LAMA2: variants seen among roughly 807,000 people sequenced by gnomAD.
LAMA2 encodes laminin subunit alpha 2.
A neutral mutation model predicts 364.8 loss-of-function variants in LAMA2; 269 were observed. The ratio of observed to expected loss-of-function variants is 0.74; its 90% confidence interval spans 0.67 to 0.82. The LOEUF (loss-of-function observed/expected upper bound fraction) is 0.82. LAMA2 is among the 40% of genes least tolerant of loss of function. The probability of loss-of-function intolerance (pLI) is 0.00; values close to 1 mark genes in which losing one functional copy is unlikely to be tolerated. For missense variants in LAMA2, 3,807 were observed against 3,873.2 expected, an observed-to-expected ratio of 0.98 and a Z score of 0.45; for synonymous variants, 1,379 against 1,370.6, an observed-to-expected ratio of 1.01 and a Z score of -0.14.
chr6:129,068,356 C>T (rs1773075021), intron 3 of LAMA2, among the ~76,000 whole-genome samples: 1 of 152,280 alleles, frequency 6.6e-6, no homozygotes, highest in Middle Eastern at 3.4e-3. Context: ...TTATAAACTG[C>T]AGCAATTTAT....
chr6:129,386,412 T>G (rs1402241057), intron 35 of LAMA2, among the ~76,000 whole-genome samples: 1 of 151,984 alleles, frequency 6.6e-6, no homozygotes, highest in Non-Finnish European at 1.5e-5. Context: ...CAGACTTCTA[T>G]TAAAATGATG....
intron 17 of LAMA2, among the ~76,000 whole-genome samples, chr6:129,277,102 C>T (rs1788385377): frequency 6.6e-6 from 1 of 152,078 alleles, no homozygotes; most frequent in Non-Finnish European, 1.5e-5. Context: ...GTGGAAAATG[C>T]CCGCTGCTCT....
chr6:128,960,457 G>GCCCC (rs1276498386), intron 1 of LAMA2, among the ~76,000 whole-genome samples: 5 of 145,204 alleles, frequency 3.4e-5, no homozygotes, highest in African/African-American at 1.4e-4. Flanking sequence ...TCCGGCCTTG[G>GCCCC]CCCCACCCCG....
intron 4 of LAMA2, among the ~76,000 whole-genome samples, chr6:129,136,555 T>C (rs1777803946): frequency 6.6e-6 from 1 of 151,618 alleles, no homozygotes; most frequent in Non-Finnish European, 1.5e-5. Context: ...ATGTTCTTCT[T>C]TGACCAGCAG....
intron 64 of LAMA2, 45 bp from the exon 65 acceptor site, chr6:129,516,145 T>A: frequency 6.2e-7 from 1 of 1,603,740 alleles, no homozygotes; most frequent in Non-Finnish European, 8.5e-7. Flanking sequence ...TAATATTTGG[T>A]GCAGGACATT....
intron 4 of LAMA2, among the ~76,000 whole-genome samples, chr6:129,137,791 T>C (rs1424393042): frequency 6.6e-6 from 1 of 152,086 alleles, no homozygotes; most frequent in Non-Finnish European, 1.5e-5. Flanking sequence ...ACTGATAATA[T>C]AGTATGTACT....
At chr6:129,469,921 C>A (rs942876620) in intron 51 of LAMA2, among the ~76,000 whole-genome samples, 1 of 151,718 alleles carries the variant, frequency 6.6e-6, no homozygotes, top group African/African-American at 2.4e-5. Flanking sequence ...AGAAAGCAGA[C>A]GGATGCTACT....
At chr6:129,111,869 T>A (rs1304997410) in intron 4 of LAMA2, among the ~76,000 whole-genome samples, 1 of 152,018 alleles carries the variant, frequency 6.6e-6, no homozygotes, top group African/African-American at 2.4e-5. Context: ...AATCAGGCAT[T>A]ATATCAGTTG....
intron 4 of LAMA2, among the ~76,000 whole-genome samples, chr6:129,141,427 A>G (rs1004860031): frequency 3.3e-5 from 5 of 152,080 alleles, no homozygotes; most frequent in Non-Finnish European, 7.4e-5. Flanking sequence ...TTTCAGATTC[A>G]TATTTTAGAA....
At chr6:129,286,230 C>T (rs1480485659) in intron 18 of LAMA2, among the ~76,000 whole-genome samples, 1 of 151,996 alleles carries the variant, frequency 6.6e-6, no homozygotes, top group Non-Finnish European at 1.5e-5. Context: ...AATTTTGACA[C>T]TTGCTGCAAA....
At chr6:129,010,984 C>T (rs4288223) in intron 1 of LAMA2, among the ~76,000 whole-genome samples, 1 of 151,948 alleles carries the variant, frequency 6.6e-6, no homozygotes, top group African/African-American at 2.4e-5. Context: ...CAGATTTATT[C>T]TTTTTTTTCT....
At chr6:129,274,204 G>A (rs1788140498) in intron 17 of LAMA2, among the ~76,000 whole-genome samples, 3 of 151,602 alleles carry the variant, frequency 2.0e-5, no homozygotes, top group Non-Finnish European at 4.4e-5. Context: ...TTGCACAACT[G>A]TGATGAGAAA....
intron 60 of LAMA2, among the ~76,000 whole-genome samples, chr6:129,504,439 A>G (rs58086758): frequency 2.5e-3 from 379 of 152,362 alleles, no homozygotes; most frequent in African/African-American, 8.7e-3. Context: ...CCAAACCAGA[A>G]TAGATATGTG....
intron 15 of LAMA2, 51 bp downstream of exon 15, chr6:129,260,873 GC>G (rs762994158): frequency 9.6e-7 from 1 of 1,045,352 alleles, no homozygotes; most frequent in South Asian, 1.3e-5. Flanking sequence ...CCTCAACATT[GC>G]TTTCAATAAC....
rs1315945522 is a variant in LAMA2, at chr6:129,366,288, T to C, written c.4787T>C (p.Ile1596Thr). The part of the protein sequence containing the change: ...LARLEQMVMS[I>T]NLTGPLPAPY... ...CGCCTGGAGCAGATGGTCATGAGCATCAACCTCACTGGTCCGCTGCCTGCG... is the reference window on the plus strand; with the variant it reads ...CGCCTGGAGCAGATGGTCATGAGCACCAACCTCACTGGTCCGCTGCCTGCG... The change falls in exon 33 of 65, where the codon ATC (isoleucine) becomes ACC (threonine). Residue 1596 changes from isoleucine (I) to threonine (T), a missense_variant. This residue lies in a region of LAMA2 where 3,333 missense variants were observed against 3,345.7 expected (regional missense o/e 1.00). Transcript: ENST00000421865. The C allele has an allele frequency of 6.2e-7, 1 of 1,613,918 alleles. No homozygotes were observed. The highest frequency in any genetic ancestry group is 1.3e-5 in the African/African-American group (1 of 74,884).
intron 22 of LAMA2, among the ~76,000 whole-genome samples, chr6:129,302,313 CT>C (rs1291769239): frequency 2.6e-5 from 4 of 151,930 alleles, no homozygotes; most frequent in African/African-American, 2.4e-5. Flanking sequence ...ATTTATACAT[CT>C]TTTTTGAAGT....
chr6:129,176,205 A>G (rs1487287433), intron 9 of LAMA2, among the ~76,000 whole-genome samples: 1 of 151,964 alleles, frequency 6.6e-6, no homozygotes, highest in African/African-American at 2.4e-5. Context: ...ATTAAAGAGA[A>G]ATATTTAGGC....
chr6:129,315,732 A>G, intron 25 of LAMA2, 30 bp from the exon 26 acceptor site: 1 of 1,612,738 alleles, frequency 6.2e-7, no homozygotes, highest in Non-Finnish European at 8.5e-7. Flanking sequence ...AGATTTATCC[A>G]ATTCCTCATT....
At chr6:128,915,724 A>G (rs569902054) in intron 1 of LAMA2, among the ~76,000 whole-genome samples, 5 of 152,298 alleles carry the variant, frequency 3.3e-5, no homozygotes, top group Middle Eastern at 6.8e-3. Context: ...ATTGTATCAC[A>G]ATTTGGAATG....
Sources: gnomAD v4.1 joint callset for allele counts (sites outside exome capture counted in the v4.1 genomes callset) on GRCh38, gnomAD v4.1.1 for gene constraint, gnomAD v4.1.1 regional missense constraint, MANE v1.5 for transcripts, NCBI Gene and HGNC (gene_info 2026-07-23, HGNC 2026-07-21) for gene names.